PVT1: variants seen among roughly 807,000 people sequenced by gnomAD.
PVT1 encodes the protein CXCR4/PVT1 fusion.
At chr8:127,983,262 C>A (rs1172817772) in intron 3 of PVT1, among the ~76,000 whole-genome samples, 3 of 152,184 alleles carry the variant, frequency 2.0e-5, no homozygotes, top group Non-Finnish European at 4.4e-5. Context: ...CAGTAGTAGC[C>A]ATCCATTTTT....
intron 4 of PVT1, among the ~76,000 whole-genome samples, chr8:128,064,615 G>A (rs763497613): frequency 1.3e-5 from 2 of 152,138 alleles, no homozygotes; most frequent in Non-Finnish European, 2.9e-5. Flanking sequence ...CATTTTTACC[G>A]AACATCTGAG....
intron 3 of PVT1, among the ~76,000 whole-genome samples, chr8:127,909,450 C>T (rs1048532061): frequency 3.3e-5 from 5 of 152,208 alleles, no homozygotes; most frequent in Non-Finnish European, 7.3e-5. Flanking sequence ...TGATTCTAGT[C>T]ACTTTACCTT....
chr8:127,941,214 C>T (rs144893449), intron 3 of PVT1, among the ~76,000 whole-genome samples: 96 of 152,338 alleles, frequency 6.3e-4, no homozygotes, highest in Non-Finnish European at 7.2e-4. Flanking sequence ...CTTTTCACCT[C>T]TGTGATCTCA....
intron 2 of PVT1, among the ~76,000 whole-genome samples, chr8:127,838,881 C>T (rs1237140170): frequency 6.6e-6 from 1 of 151,916 alleles, no homozygotes; most frequent in African/African-American, 2.4e-5. Context: ...GTATATACAA[C>T]GGTGGCCCTA....
intron 4 of PVT1, among the ~76,000 whole-genome samples, chr8:128,062,545 A>G (rs1813843893): frequency 6.6e-6 from 1 of 152,248 alleles, no homozygotes; most frequent in African/African-American, 2.4e-5. Flanking sequence ...CAAACACATT[A>G]TCCATGTTCT....
At chr8:127,916,728 G>A (rs931469992) in intron 3 of PVT1, among the ~76,000 whole-genome samples, 1 of 152,310 alleles carries the variant, frequency 6.6e-6, no homozygotes, top group East Asian at 1.9e-4. Flanking sequence ...CCTTCCTGGT[G>A]GGAAGTTGTG....
At chr8:127,977,074 G>A (rs1488285657) in intron 3 of PVT1, among the ~76,000 whole-genome samples, 1 of 152,192 alleles carries the variant, frequency 6.6e-6, no homozygotes, top group Non-Finnish European at 1.5e-5. Flanking sequence ...TGACGCCACT[G>A]GTTTTGTGAT....
At chr8:128,055,830 C>G (rs1277822552) in intron 4 of PVT1, among the ~76,000 whole-genome samples, 1 of 152,122 alleles carries the variant, frequency 6.6e-6, no homozygotes, top group Non-Finnish European at 1.5e-5. Context: ...GTAGCTGAAT[C>G]CCAAGTGGAT....
intron 2 of PVT1, among the ~76,000 whole-genome samples, chr8:127,875,349 C>T (rs1256080437): frequency 4.5e-5 from 6 of 132,524 alleles, no homozygotes; most frequent in African/African-American, 9.9e-5. Flanking sequence ...CTGACTCTGT[C>T]TGTCTCTGTC....
Position 127,921,854 on chromosome 8 carries a change from G to GTTTTTTTTT in PVT1, n.782+30872_782+30880dup, listed in dbSNP as rs71300279. On this transcript the variant is annotated intron_variant and non_coding_transcript_variant, in intron 3 of 10. Coordinates refer to ENST00000651587, the Ensembl canonical transcript of PVT1. Reference sequence around the variant, plus strand: ...AAAAAAATTATAATTTTTGGTTCATGTTTTTTTTTTTTTTTTTTTTTTTTG... The same window carrying GTTTTTTTTT: ...AAAAAAATTATAATTTTTGGTTCATGTTTTTTTTTTTTTTTTTTTTTTTTTTTTTTTTTG... Among the ~76,000 whole-genome samples, 156 of 71,922 alleles carry GTTTTTTTTT rather than the reference G, an allele frequency of 2.2e-3. 10 individuals carry two copies. The highest frequency in any genetic ancestry group is 3.2e-3 in the Admixed American group (13 of 4,126). The allele number at this position is 71,922 out of a possible 152,430, so 47.2% of individuals were successfully genotyped here. A position where few individuals can be genotyped will look rare whatever the true frequency, so the allele number is the denominator to read the frequency against.
intron 3 of PVT1, among the ~76,000 whole-genome samples, chr8:127,966,807 C>A (rs545714581): frequency 1.3e-5 from 2 of 152,312 alleles, no homozygotes; most frequent in African/African-American, 4.8e-5. Context: ...TTTCAGGAAA[C>A]CATTTGACTG....
chr8:128,046,236 C>T (rs1199799831), intron 4 of PVT1, among the ~76,000 whole-genome samples: 1 of 152,364 alleles, frequency 6.6e-6, no homozygotes, highest in East Asian at 1.9e-4. Context: ...TGTTGTGCCC[C>T]TACTGTGTGC....
At chr8:127,967,330 G>C (rs1295188786) in intron 3 of PVT1, among the ~76,000 whole-genome samples, 2 of 152,124 alleles carry the variant, frequency 1.3e-5, no homozygotes, top group East Asian at 1.9e-4. Flanking sequence ...TAGAGAAGAG[G>C]GGGGAAGGAG....
intron 4 of PVT1, among the ~76,000 whole-genome samples, chr8:128,015,144 C>G (rs904748663): frequency 6.6e-6 from 1 of 151,814 alleles, no homozygotes; most frequent in South Asian, 2.1e-4. Context: ...GGCTGGAGTA[C>G]AGTGGTGCGA....
intron 3 of PVT1, among the ~76,000 whole-genome samples, chr8:127,924,240 C>T (rs1167532960): frequency 1.3e-5 from 2 of 152,158 alleles, no homozygotes; most frequent in Non-Finnish European, 2.9e-5. Flanking sequence ...GAGCAAACTT[C>T]TTCCTTTCTT....
chr8:127,991,383 A>G (rs1375942640), intron 4 of PVT1, among the ~76,000 whole-genome samples: 1 of 151,740 alleles, frequency 6.6e-6, no homozygotes, highest in African/African-American at 2.4e-5. Flanking sequence ...TGACCTTGTG[A>G]TCTGCCCGCC....
Position 128,053,331 on chromosome 8 carries a change from A to G in PVT1, n.913-16829A>G, listed in dbSNP as rs1222705206. Among the ~76,000 whole-genome samples the G allele has an allele frequency of 2.0e-5, 3 of 151,814 alleles. No homozygotes were observed. The East Asian group carries it at 5.8e-4, about 29-fold the overall frequency. Reference sequence around the variant, plus strand: ...TATAGATTATAGTGGGTGCTCAGACAGTGTCATCTGCCATCTTGGAGGGCT... The same window carrying G: ...TATAGATTATAGTGGGTGCTCAGACGGTGTCATCTGCCATCTTGGAGGGCT... On this transcript the variant is annotated intron_variant and non_coding_transcript_variant, in intron 4 of 10. Coordinates refer to ENST00000651587, the Ensembl canonical transcript of PVT1.
chr8:127,908,443 G>A (rs544369008), intron 3 of PVT1, among the ~76,000 whole-genome samples: 5 of 151,268 alleles, frequency 3.3e-5, no homozygotes, highest in South Asian at 2.1e-4. Flanking sequence ...CTGGGTTCAA[G>A]CGATTCTCCT....
intron 3 of PVT1, chr8:127,948,039 T>C (rs1816446863): frequency 5.0e-6 from 2 of 397,864 alleles, no homozygotes; most frequent in South Asian, 3.8e-5. Flanking sequence ...TCTCATTTGT[T>C]GAAATTCCTA....
Sources: allele counts gnomAD v4.1 joint callset (sites outside exome capture counted in the v4.1 genomes callset), GRCh38; gene constraint gnomAD v4.1.1; transcripts MANE v1.5; gene names NCBI Gene and HGNC (gene_info 2026-07-23, HGNC 2026-07-21).